The following LNX2 variants were observed in gnomAD, a reference collection of about 807,000 sequenced individuals.
LNX2 encodes ligand of numb-protein X 2.
LNX2 carries 35 observed loss-of-function variants against 66.2 expected under a neutral mutation model. The observed-to-expected ratio is 0.53, with a 90% CI of 0.40 to 0.70. LNX2 has a LOEUF of 0.70. LNX2 is among the 30% of genes least tolerant of loss of function. The probability of loss-of-function intolerance (pLI) is 0.00; values close to 1 mark genes in which losing one functional copy is unlikely to be tolerated. For synonymous variants in LNX2, 337 were observed against 315.6 expected (o/e 1.07, Z -0.72); for missense variants, 791 against 850.8 (o/e 0.93, Z 0.87).
At chr13:27,578,633 C>A (rs1442257718) in intron 2 of LNX2, among the ~76,000 whole-genome samples, 1 of 152,186 alleles carries the variant, frequency 6.6e-6, no homozygotes, top group Non-Finnish European at 1.5e-5. Context: ...AGACACTGAA[C>A]CACTTATGTA....
At chr13:27,552,263 T>C (rs1464523854) in intron 8 of LNX2, among the ~76,000 whole-genome samples, 4 of 152,178 alleles carry the variant, frequency 2.6e-5, no homozygotes, top group African/African-American at 9.6e-5. Flanking sequence ...GCCTGCCCCA[T>C]CATTAGAGGT....
chr13:27,558,405 T>C (rs1362365730), intron 6 of LNX2, among the ~76,000 whole-genome samples: 2 of 152,044 alleles, frequency 1.3e-5, no homozygotes, highest in Non-Finnish European at 2.9e-5. Flanking sequence ...ATTAGCATAG[T>C]TATGACAGAA....
intron 1 of LNX2, among the ~76,000 whole-genome samples, chr13:27,602,331 G>C (rs886081794): frequency 6.6e-6 from 1 of 152,072 alleles, no homozygotes; most frequent in Non-Finnish European, 1.5e-5. Context: ...ATAGAGAACA[G>C]AATCATTACT....
chr13:27,555,065 C>G (rs549234531), intron 7 of LNX2, among the ~76,000 whole-genome samples: 1 of 152,308 alleles, frequency 6.6e-6, no homozygotes, highest in South Asian at 2.1e-4. Flanking sequence ...ATCCTCCCAC[C>G]TCAGCTCCTA....
intron 2 of LNX2, among the ~76,000 whole-genome samples, chr13:27,579,394 T>G (rs996334941): frequency 6.6e-6 from 1 of 152,222 alleles, no homozygotes; most frequent in Non-Finnish European, 1.5e-5. Context: ...ATCTTTTCAC[T>G]GTATCTTTCA....
intron 1 of LNX2, among the ~76,000 whole-genome samples, chr13:27,604,986 A>G (rs376059853): frequency 3.2e-4 from 48 of 152,210 alleles, no homozygotes; most frequent in African/African-American, 1.1e-3. Context: ...ATCTCACTAG[A>G]TAAGTATTAC....
chr13:27,592,848 T>A (rs1026842802), intron 1 of LNX2, among the ~76,000 whole-genome samples: 1 of 152,144 alleles, frequency 6.6e-6, no homozygotes, highest in African/African-American at 2.4e-5. Flanking sequence ...TGTAAGCAAG[T>A]AAAATAAGAT....
chr13:27,583,209 T>C (rs377181015), intron 1 of LNX2, among the ~76,000 whole-genome samples: 4,352 of 28,014 alleles, frequency 0.16, 488 homozygotes, highest in East Asian at 0.31. Flanking sequence ...TGTGTGTGTG[T>C]GTGTGTGTGT....
At chr13:27,571,259 G>T (rs1955276372) in intron 2 of LNX2, among the ~76,000 whole-genome samples, 1 of 152,144 alleles carries the variant, frequency 6.6e-6, no homozygotes, top group Non-Finnish European at 1.5e-5. Flanking sequence ...ACAACAAAAA[G>T]TGACCAATAG....
chr13:27,586,656 G>T (rs182035287), intron 1 of LNX2, among the ~76,000 whole-genome samples: 2 of 152,286 alleles, frequency 1.3e-5, no homozygotes, highest in Non-Finnish European at 2.9e-5. Flanking sequence ...ATATATGTTT[G>T]AGTTCAGATA....
intron 1 of LNX2, among the ~76,000 whole-genome samples, chr13:27,614,489 A>C: frequency 6.9e-6 from 1 of 144,386 alleles, no homozygotes; most frequent in African/African-American, 2.6e-5. Flanking sequence ...AGCCACTCCC[A>C]CCCCTTCCCC....
chr13:27,566,952 C>G (rs1955213587), intron 4 of LNX2, among the ~76,000 whole-genome samples: 1 of 152,150 alleles, frequency 6.6e-6, no homozygotes, highest in African/African-American at 2.4e-5. Flanking sequence ...TCCTCCTCCC[C>G]TCATCTCAAC....
intron 1 of LNX2, among the ~76,000 whole-genome samples, chr13:27,601,940 C>T (rs1293029277): frequency 1.3e-5 from 2 of 152,210 alleles, no homozygotes; most frequent in East Asian, 3.9e-4. Context: ...ACAAGTCTAC[C>T]ATTAAGATTT....
Position 27,592,237 on chromosome 13 carries a change from A to G in LNX2, c.-100-10434T>C, listed in dbSNP as rs538363762. Among the ~76,000 whole-genome samples the G allele has an allele frequency of 2.6e-5, 4 of 152,356 alleles. No homozygotes were observed. In the South Asian group the frequency reaches 8.3e-4, roughly 32 times the overall value. ...AATATTCTGAGCCACAGATGATGGT[A>G]GATTGAACATGATGAACATAGTTGA... is the stretch of plus-strand genomic sequence containing the variant. On this transcript the variant is annotated intron_variant, in intron 1 of 9. Transcript: ENST00000316334.
intron 4 of LNX2, among the ~76,000 whole-genome samples, chr13:27,566,900 G>T (rs1243052274): frequency 6.6e-6 from 1 of 151,986 alleles, no homozygotes; most frequent in African/African-American, 2.4e-5. Context: ...AATGGTCCAG[G>T]CCGGTATTAA....
At chr13:27,587,355 T>C (rs1161460640) in intron 1 of LNX2, among the ~76,000 whole-genome samples, 1 of 152,148 alleles carries the variant, frequency 6.6e-6, no homozygotes, top group Non-Finnish European at 1.5e-5. Flanking sequence ...CTACAGTGCA[T>C]GTTTGCTCAT....
In LNX2 at chr13:27,556,136, G is replaced by C. The variant is rs1240325706; in HGVS notation, c.1546+100C>G. On this transcript the variant is annotated intron_variant, in intron 7 of 9. Coordinates refer to ENST00000316334, the MANE Select transcript of LNX2 (RefSeq NM_153371.4). ...GGGACAGTTTAAAGAACTTAAAAAA[G>C]TCATGTTTAATAGATACTTTGTAGA... 3 of 1,169,024 alleles carry C rather than the reference G, an allele frequency of 2.6e-6. No individual in the cohort carries two copies. The Admixed American group carries it at 7.7e-5, about 30-fold the overall frequency. 72.4% of individuals were successfully genotyped at this position (1,169,024 alleles called of 1,614,324 possible).
intron 2 of LNX2, among the ~76,000 whole-genome samples, chr13:27,569,699 G>C (rs1389784017): frequency 6.6e-6 from 1 of 152,036 alleles, no homozygotes; most frequent in African/African-American, 2.4e-5. Context: ...CTTAGACCTT[G>C]ATTGTGCCAC....
intron 3 of LNX2, among the ~76,000 whole-genome samples, chr13:27,568,438 G>T (rs1358177762): frequency 6.6e-6 from 1 of 152,108 alleles, no homozygotes; most frequent in Non-Finnish European, 1.5e-5. Context: ...CTTCCTAGTG[G>T]GTAACAGAGC....
Sources: allele counts gnomAD v4.1 joint callset (sites outside exome capture counted in the v4.1 genomes callset), GRCh38; gene constraint gnomAD v4.1.1; transcripts MANE v1.5; gene names NCBI Gene and HGNC (gene_info 2026-07-23, HGNC 2026-07-21).